Variants in SHROOM3 observed in about 807,000 individuals in gnomAD.
The protein encoded by SHROOM3 is protein Shroom3.
Under a neutral mutation model 138.6 loss-of-function variants are expected in SHROOM3, and 47 were observed. The ratio of observed to expected loss-of-function variants is 0.34; its 90% confidence interval spans 0.27 to 0.43. The LOEUF (loss-of-function observed/expected upper bound fraction) is 0.43. Among genes scored for constraint, SHROOM3 ranks in the 20% least tolerant of loss-of-function variants. The pLI is 1.00. For missense variants in SHROOM3, 2,491 were observed against 2,596.5 expected, an observed-to-expected ratio of 0.96 and a Z score of 0.88; for synonymous variants, 1,062 against 1,063.3, an observed-to-expected ratio of 1.00 and a Z score of 0.02.
chr4:76,625,336 A>G (rs1235203034), intron 2 of SHROOM3, among the ~76,000 whole-genome samples: 1 of 152,146 alleles, frequency 6.6e-6, no homozygotes, highest in Non-Finnish European at 1.5e-5. Flanking sequence ...AGTTTTATAC[A>G]GCTATGCCAA....
intron 4 of SHROOM3, among the ~76,000 whole-genome samples, chr4:76,733,641 T>C (rs1219291123): frequency 6.6e-6 from 1 of 152,060 alleles, no homozygotes; most frequent in Non-Finnish European, 1.5e-5. Context: ...GTGCCCCAGG[T>C]GTGTTTCTGA....
At chr4:76,550,834 C>CA (rs1043793520) in intron 1 of SHROOM3, among the ~76,000 whole-genome samples, 4 of 151,458 alleles carry the variant, frequency 2.6e-5, no homozygotes, top group Non-Finnish European at 5.9e-5. Context: ...CCTGTCTCCA[C>CA]AAAAAATAAA....
At chr4:76,736,237 G>A (rs1271899050) in intron 4 of SHROOM3, among the ~76,000 whole-genome samples, 6 of 152,034 alleles carry the variant, frequency 3.9e-5, no homozygotes, top group African/African-American at 1.4e-4. Flanking sequence ...TCAGGGTAGG[G>A]GGTAAAATCT....
At chr4:76,541,629 A>G (rs1170882235) in intron 1 of SHROOM3, among the ~76,000 whole-genome samples, 1 of 151,812 alleles carries the variant, frequency 6.6e-6, no homozygotes, top group South Asian at 2.1e-4. Context: ...GTGGGCGCAC[A>G]CACACACACA....
intron 1 of SHROOM3, among the ~76,000 whole-genome samples, chr4:76,535,830 T>C (rs1172793195): frequency 6.6e-6 from 1 of 152,192 alleles, no homozygotes; most frequent in African/African-American, 2.4e-5. Flanking sequence ...CAGCACAGTT[T>C]TGAGTGATTG....
At chr4:76,443,969 C>G (rs1437022805) in intron 1 of SHROOM3, among the ~76,000 whole-genome samples, 1 of 152,088 alleles carries the variant, frequency 6.6e-6, no homozygotes, top group Non-Finnish European at 1.5e-5. Context: ...ATTCTGTCAC[C>G]TAGGCTAGAG....
chr4:76,751,211 C>G (rs1721612703), intron 6 of SHROOM3, among the ~76,000 whole-genome samples: 1 of 152,098 alleles, frequency 6.6e-6, no homozygotes, highest in Admixed American at 6.5e-5. Context: ...CTCTGTTAAT[C>G]ATAGTACGAA....
intron 9 of SHROOM3, among the ~76,000 whole-genome samples, chr4:76,760,720 A>G (rs1270497904): frequency 2.0e-5 from 3 of 152,154 alleles, no homozygotes; most frequent in Non-Finnish European, 4.4e-5. Flanking sequence ...TGCTAGCCCA[A>G]AGTTTTCCTA....
At chr4:76,766,091 C>T (rs1722146384) in intron 9 of SHROOM3, among the ~76,000 whole-genome samples, 1 of 152,212 alleles carries the variant, frequency 6.6e-6, no homozygotes, top group Admixed American at 6.5e-5. Context: ...CACGTACCAG[C>T]TGCATGGCCT....
At chr4:76,538,268 AAAG>A (rs1733024562) in intron 1 of SHROOM3, among the ~76,000 whole-genome samples, 1 of 152,212 alleles carries the variant, frequency 6.6e-6, no homozygotes, top group Non-Finnish European at 1.5e-5. Flanking sequence ...TGTTGGAAAA[AAAG>A]AAAAGGAGGA....
At chr4:76,498,288 C>T (rs1485069330) in intron 1 of SHROOM3, among the ~76,000 whole-genome samples, 2 of 152,034 alleles carry the variant, frequency 1.3e-5, no homozygotes, top group African/African-American at 2.4e-5. Flanking sequence ...ATGATGTATG[C>T]GTACTTTCCT....
chr4:76,567,463 A>T (rs1382131423), intron 2 of SHROOM3, among the ~76,000 whole-genome samples: 1 of 152,142 alleles, frequency 6.6e-6, no homozygotes, highest in African/African-American at 2.4e-5. Flanking sequence ...ATCCTGGCTA[A>T]CACGATAAAA....
intron 1 of SHROOM3, among the ~76,000 whole-genome samples, chr4:76,551,265 T>A (rs1733347475): frequency 6.6e-6 from 1 of 152,132 alleles, no homozygotes; most frequent in Non-Finnish European, 1.5e-5. Context: ...TGAACAACAA[T>A]GAAACTCTTT....
intron 2 of SHROOM3, among the ~76,000 whole-genome samples, chr4:76,580,913 G>A (rs1369342797): frequency 6.6e-6 from 1 of 152,104 alleles, no homozygotes; most frequent in Non-Finnish European, 1.5e-5. Context: ...ACTGATATGT[G>A]CTTCTACCTT....
At chr4:76,622,515 C>T (rs954718304) in intron 2 of SHROOM3, among the ~76,000 whole-genome samples, 1 of 151,804 alleles carries the variant, frequency 6.6e-6, no homozygotes, top group African/African-American at 2.4e-5. Flanking sequence ...ACCAAAGTTT[C>T]CATTTGATTT....
At chr4:76,736,335 T>A (rs114444062) in intron 4 of SHROOM3, among the ~76,000 whole-genome samples, 204 of 152,260 alleles carry the variant, frequency 1.3e-3, no homozygotes, top group African/African-American at 4.8e-3. Context: ...TCCCTTGAAT[T>A]TATACCTATC....
At chr4:76,597,749 G>A (rs943387689) in intron 2 of SHROOM3, among the ~76,000 whole-genome samples, 6 of 152,204 alleles carry the variant, frequency 3.9e-5, no homozygotes, top group Non-Finnish European at 7.3e-5. Context: ...CTGGCTTCTA[G>A]CGATCTGAGT....
chr4:76,608,630 GCATAGCATAGCATAGCATAGCA>G (rs1448880604), intron 2 of SHROOM3, among the ~76,000 whole-genome samples: 275 of 15,210 alleles, frequency 0.018, 7 homozygotes, highest in Middle Eastern at 0.14. Flanking sequence ...AGATGGTATA[GCATAGCATAGCATAGCATAGCA>G]TAGCATAGCA....
At chr4:76,690,178 T>C (rs1220395965) in intron 2 of SHROOM3, among the ~76,000 whole-genome samples, 1 of 152,110 alleles carries the variant, frequency 6.6e-6, no homozygotes, top group Non-Finnish European at 1.5e-5. Flanking sequence ...AAATAGTGTG[T>C]TCCTTGTGCT....
Sources: allele counts gnomAD v4.1 joint callset (sites outside exome capture counted in the v4.1 genomes callset), GRCh38; gene constraint gnomAD v4.1.1; transcripts MANE v1.5; gene names NCBI Gene and HGNC (gene_info 2026-07-23, HGNC 2026-07-21).